Variants in PDZRN4 observed in about 807,000 individuals in gnomAD.
PDZRN4 encodes PDZ domain containing ring finger 4, also known as PDZ domain-containing RING finger protein 4.
A neutral mutation model predicts 99.0 loss-of-function variants in PDZRN4; 70 were observed. That is an observed-to-expected ratio of 0.71 (90% CI 0.58 to 0.86). The LOEUF is 0.86. Ranked by LOEUF, PDZRN4 falls within the 40% of genes least tolerant of loss-of-function variation. The pLI, the probability that PDZRN4 is intolerant of heterozygous loss-of-function variation, is 0.00. For missense variants in PDZRN4, 1,474 were observed against 1,331.2 expected, an observed-to-expected ratio of 1.11 and a Z score of -1.67; for synonymous variants, 551 against 501.6, an observed-to-expected ratio of 1.10 and a Z score of -1.32.
chr12:41,436,761 C>T (rs1299539828), intron 3 of PDZRN4, among the ~76,000 whole-genome samples: 1 of 152,154 alleles, frequency 6.6e-6, no homozygotes, highest in Non-Finnish European at 1.5e-5. Context: ...AAATGCATTA[C>T]TTCTGTTATC....
chr12:41,254,010 G>T (rs1459025409), intron 3 of PDZRN4, among the ~76,000 whole-genome samples: 1 of 133,676 alleles, frequency 7.5e-6, no homozygotes, highest in Non-Finnish European at 1.6e-5. Context: ...GAGATAAAAG[G>T]AAATATATAT....
intron 3 of PDZRN4, among the ~76,000 whole-genome samples, chr12:41,259,888 G>C (rs561714032): frequency 1.3e-5 from 2 of 151,992 alleles, no homozygotes; most frequent in South Asian, 2.1e-4. Context: ...TATAGAAATC[G>C]AAGTGTCAGT....
At chr12:41,434,927 A>G (rs1269348206) in intron 3 of PDZRN4, among the ~76,000 whole-genome samples, 1 of 152,190 alleles carries the variant, frequency 6.6e-6, no homozygotes, top group Non-Finnish European at 1.5e-5. Flanking sequence ...TTTATGCTCC[A>G]ATGCAAGATT....
At chr12:41,550,488 G>T (rs1939034190) in intron 5 of PDZRN4, among the ~76,000 whole-genome samples, 1 of 152,088 alleles carries the variant, frequency 6.6e-6, no homozygotes, top group Admixed American at 6.5e-5. Flanking sequence ...CCCTCTGGAG[G>T]CATTAATTAT....
chr12:41,314,480 G>A (rs376334304), intron 3 of PDZRN4, among the ~76,000 whole-genome samples: 5 of 152,190 alleles, frequency 3.3e-5, no homozygotes, highest in Admixed American at 2.6e-4. Flanking sequence ...TGTAGAATAT[G>A]CTGTGGTAGC....
chr12:41,329,915 C>T (rs1951732001), intron 3 of PDZRN4, among the ~76,000 whole-genome samples: 1 of 152,108 alleles, frequency 6.6e-6, no homozygotes, highest in African/African-American at 2.4e-5. Flanking sequence ...CAATCCTCCC[C>T]TATAATCTTT....
At chr12:41,570,306 A>G (rs1323747030) in intron 9 of PDZRN4, among the ~76,000 whole-genome samples, 2 of 152,224 alleles carry the variant, frequency 1.3e-5, no homozygotes, top group East Asian at 1.9e-4. Context: ...TCACTATAAT[A>G]ATTCCATAGG....
chr12:41,202,150 C>A (rs769167574), intron 3 of PDZRN4, among the ~76,000 whole-genome samples: 39 of 152,030 alleles, frequency 2.6e-4, no homozygotes, highest in Non-Finnish European at 3.1e-4. Context: ...TGTGAAAAGA[C>A]CAAAAGAGCT....
intron 3 of PDZRN4, among the ~76,000 whole-genome samples, chr12:41,296,583 A>G (rs1477069594): frequency 6.6e-6 from 1 of 152,150 alleles, no homozygotes; most frequent in East Asian, 1.9e-4. Context: ...GCAATTTTTC[A>G]AGAGTTTTGA....
At chr12:41,480,636 T>C (rs1369607119) in intron 3 of PDZRN4, among the ~76,000 whole-genome samples, 1 of 152,272 alleles carries the variant, frequency 6.6e-6, no homozygotes, top group Non-Finnish European at 1.5e-5. Flanking sequence ...GCTATTAATT[T>C]TTTCCCAATA....
At chr12:41,403,765 A>G (rs1198749057) in intron 3 of PDZRN4, among the ~76,000 whole-genome samples, 1 of 152,212 alleles carries the variant, frequency 6.6e-6, no homozygotes, top group Non-Finnish European at 1.5e-5. Context: ...CAATACTAGC[A>G]CACAATTTAT....
intron 3 of PDZRN4, chr12:41,437,723 G>T: frequency 6.9e-7 from 1 of 1,440,588 alleles, no homozygotes; most frequent in Non-Finnish European, 9.1e-7. Context: ...AACTCTGTGT[G>T]TGTATCCGTG....
At chr12:41,360,890 A>G (rs909137217) in intron 3 of PDZRN4, among the ~76,000 whole-genome samples, 6 of 152,028 alleles carry the variant, frequency 3.9e-5, no homozygotes, top group Non-Finnish European at 8.8e-5. Flanking sequence ...ACCAAATTAG[A>G]GCAAAAAATA....
chr12:41,499,771 G>A (rs1026616378), intron 3 of PDZRN4, among the ~76,000 whole-genome samples: 19 of 152,152 alleles, frequency 1.2e-4, no homozygotes, highest in Admixed American at 1.0e-3. Flanking sequence ...ATTTGAGAAT[G>A]CCTTACCATC....
chr12:41,304,594 A>G (rs534915584), intron 3 of PDZRN4, among the ~76,000 whole-genome samples: 1 of 152,326 alleles, frequency 6.6e-6, no homozygotes, highest in Admixed American at 6.5e-5. Flanking sequence ...TTAAGAAACA[A>G]GTTTTGCTAC....
At chr12:41,566,172 T>G (rs1939367511) in intron 8 of PDZRN4, among the ~76,000 whole-genome samples, 1 of 152,066 alleles carries the variant, frequency 6.6e-6, no homozygotes, top group Admixed American at 6.6e-5. Context: ...AAGAAAAGAG[T>G]TATGGGGAAT....
chr12:41,505,025 G>T (rs541563232), intron 3 of PDZRN4, among the ~76,000 whole-genome samples: 35 of 152,220 alleles, frequency 2.3e-4, no homozygotes, highest in African/African-American at 7.7e-4. Context: ...GCCTCTACAT[G>T]ACATGATGAT....
chr12:41,267,307 C>A (rs540624406), intron 3 of PDZRN4, among the ~76,000 whole-genome samples: 1 of 152,244 alleles, frequency 6.6e-6, no homozygotes, highest in African/African-American at 2.4e-5. Flanking sequence ...ATCATTCCTA[C>A]TGAAATTGAT....
intron 3 of PDZRN4, among the ~76,000 whole-genome samples, chr12:41,303,804 C>T (rs1951552266): frequency 6.6e-6 from 1 of 152,280 alleles, no homozygotes; most frequent in Admixed American, 6.5e-5. Context: ...TCTGAGTATG[C>T]TCAGAGTTCT....
Sources: allele counts gnomAD v4.1 joint callset (sites outside exome capture counted in the v4.1 genomes callset), GRCh38; gene constraint gnomAD v4.1.1; transcripts MANE v1.5; gene names NCBI Gene and HGNC (gene_info 2026-07-23, HGNC 2026-07-21).